The following DIO2 variants were observed in gnomAD, a reference collection of about 807,000 sequenced individuals.
DIO2 encodes type II iodothyronine deiodinase.
A neutral mutation model predicts 21.4 loss-of-function variants in DIO2; 19 were observed. The observed-to-expected ratio is 0.89, with a 90% confidence interval of 0.62 to 1.30. The LOEUF (loss-of-function observed/expected upper bound fraction) is 1.30. Ranked by LOEUF, DIO2 falls within the 50% of genes most tolerant of loss-of-function variation. The pLI is 0.00. For missense variants in DIO2, 302 were observed against 338.1 expected (o/e 0.89, Z 0.84); for synonymous variants, 122 against 132.9 (o/e 0.92, Z 0.57).
At chr14:80,220,370 TG>T (rs1888442718) in intron 2 of DIO2, among the ~76,000 whole-genome samples, 1 of 152,222 alleles carries the variant, frequency 6.6e-6, no homozygotes, top group Non-Finnish European at 1.5e-5. Context: ...TTACAGAGCA[TG>T]GGAACTAGGA....
In DIO2 at chr14:80,199,772, C is replaced by T. The variant is rs1887640035; in HGVS notation, c.*2917G>A. The T allele has an allele frequency of 6.6e-6, 1 of 152,518 alleles. No individual in the cohort carries two copies. The highest frequency in any genetic ancestry group is 1.5e-5 in the Non-Finnish European group (1 of 68,000). The allele number at this position is 152,518 out of a possible 1,614,324, so 9.4% of individuals were successfully genotyped here. ...GAAGCTTAAAAGGCTAAACCGATAGCTCCATGTAAACACAGCCTATGGGAG... is the reference window on the plus strand; with the variant it reads ...GAAGCTTAAAAGGCTAAACCGATAGTTCCATGTAAACACAGCCTATGGGAG... On this transcript the variant is annotated 3_prime_UTR_variant, in exon 2 of 2. Transcript: ENST00000438257.
Position 80,202,376 on chromosome 14 carries a change from A to G in DIO2, c.*313T>C, listed in dbSNP as rs1370330393. On this transcript the variant is annotated 3_prime_UTR_variant, in exon 2 of 2. Coordinates refer to ENST00000438257, the MANE Select transcript of DIO2 (RefSeq NM_013989.5). ...AAGTCTTTTCTTCTGGTCTCAAAGC[A>G]TGCATCAGATGTATCAGTTCCTTCT... is the stretch of plus-strand genomic sequence containing the variant. 1.7e-6 allele frequency: 1 copy of G among 600,144 alleles called. No individual in the cohort carries two copies. Among genetic ancestry groups the G allele is most frequent in the African/African-American group, 1.8e-5 (1 of 55,100 alleles). 37.2% of individuals were successfully genotyped at this position (600,144 alleles called of 1,614,324 possible). A position where few individuals can be genotyped will look rare whatever the true frequency, so the allele number is the denominator to read the frequency against.
chr14:80,203,949 G>C (rs1887849844), intron 1 of DIO2, among the ~76,000 whole-genome samples: 1 of 152,118 alleles, frequency 6.6e-6, no homozygotes, highest in Non-Finnish European at 1.5e-5. Context: ...TCCACATATG[G>C]CAACTGGAGG....
rs1887719158 is a variant in DIO2, at chr14:80,201,446, A to G, written c.*1243T>C. The G allele has an allele frequency of 6.6e-6, 1 of 152,204 alleles. No individual in the cohort carries two copies. Among genetic ancestry groups the G allele is most frequent in the African/African-American group, 2.4e-5 (1 of 41,448 alleles). The allele number at this position is 152,204 out of a possible 1,614,324, so 9.4% of individuals were successfully genotyped here. ...GAAATCAAGGCTGTGCTGAATGGCC[A>G]TGGTACCTACCTCCCGCAGCAGCTG... is the stretch of plus-strand genomic sequence containing the variant. On this transcript the variant is annotated 3_prime_UTR_variant, in exon 2 of 2. Coordinates refer to ENST00000438257, the MANE Select transcript of DIO2 (RefSeq NM_013989.5).
chr14:80,218,495 A>G (rs752706208), intron 2 of DIO2, among the ~76,000 whole-genome samples: 9 of 152,320 alleles, frequency 5.9e-5, no homozygotes, highest in Non-Finnish European at 1.0e-4. Flanking sequence ...ACCACATAAC[A>G]TTCCCTTTAT....
intron 1 of DIO2, chr14:80,206,232 A>G: frequency 1.3e-6 from 2 of 1,525,394 alleles, no homozygotes; most frequent in Non-Finnish European, 1.8e-6. Context: ...CACACCCACC[A>G]TCCATAAATC....
intron 2 of DIO2, among the ~76,000 whole-genome samples, chr14:80,229,848 G>C (rs1888650203): frequency 6.6e-6 from 1 of 152,070 alleles, no homozygotes; most frequent in Admixed American, 6.6e-5. Context: ...TCCCATGCCT[G>C]TTCTCCAGAT....
At chr14:80,216,475 A>G (rs371569399), upstream of DIO2, among the ~76,000 whole-genome samples, 7 of 152,172 alleles carry the variant, frequency 4.6e-5, no homozygotes, top group South Asian at 8.3e-4. Flanking sequence ...CCCTCTCCCC[A>G]CTGCCCAAAC....
Position 80,203,058 on chromosome 14 carries a change from G to A in DIO2, c.453C>T (p.Ser151=), listed in dbSNP as rs757370182. ...AGACCAGCAGGAAGTCAGCCACTGA[G>A]GAGAACTCTTCCACCAGTTTGCGGA... The part of the protein sequence containing the change: ...PAFRKLVEEF[S]SVADFLLVYI... Residue 151 remains serine, a synonymous_variant, in exon 2 of 2, where the codon TCC becomes TCT. Transcript: ENST00000438257. 1 of 1,613,972 alleles carries A rather than the reference G, an allele frequency of 6.2e-7. No homozygotes were observed. The highest frequency in any genetic ancestry group is 1.7e-5 in the Admixed American group (1 of 60,028).
chr14:80,202,805 G>C lies in DIO2; in HGVS notation c.706C>G (p.Gln236Glu). 1 of 1,613,868 alleles carries C rather than the reference G, an allele frequency of 6.2e-7. No individual in the cohort carries two copies. ...TTTCCTCCCAGATAAGCAATTTTCTGTCTCTGCACAATGCACACACGTTCA... is the reference window on the plus strand; with the variant it reads ...TTTCCTCCCAGATAAGCAATTTTCTCTCTCTGCACAATGCACACACGTTCA... Reference protein sequence around the residue: ...AFERVCIVQRQKIAYLGGKGP... With the variant: ...AFERVCIVQREKIAYLGGKGP... The change falls in exon 2 of 2, where the codon CAG becomes GAG. Residue 236 changes from glutamine to glutamate, a missense_variant. Coordinates refer to ENST00000438257, the MANE Select transcript of DIO2 (RefSeq NM_013989.5).
At chr14:80,225,558 T>C (rs1888558829) in intron 2 of DIO2, among the ~76,000 whole-genome samples, 1 of 152,220 alleles carries the variant, frequency 6.6e-6, no homozygotes, top group South Asian at 2.1e-4. Context: ...ACATTTACAA[T>C]CCTCGTTTCT....
intron 2 of DIO2, among the ~76,000 whole-genome samples, chr14:80,224,623 C>T (rs911088772): frequency 5.9e-5 from 9 of 151,994 alleles, no homozygotes; most frequent in African/African-American, 2.2e-4. Flanking sequence ...GCCTCCAAAA[C>T]TGTGATTGAA....
chr14:80,223,053 G>A (rs1888497727), intron 2 of DIO2, among the ~76,000 whole-genome samples: 1 of 151,722 alleles, frequency 6.6e-6, no homozygotes, highest in African/African-American at 2.4e-5. Flanking sequence ...GTAGAGATGG[G>A]GTCTTGCTGG....
Position 80,217,417 on chromosome 14 carries a change from A to T in DIO2, c.-277-680T>A, listed in dbSNP as rs76880204. Among the ~76,000 whole-genome samples, 9 of 152,322 alleles carry T rather than the reference A, an allele frequency of 5.9e-5. 1 individual carries two copies. The East Asian group carries it at 1.7e-3, about 29-fold the overall frequency. ...CCACTGGTGGAACACAATAATTTAT[A>T]AATTATTGTTCTGTTTCCATTTCAA... is the stretch of plus-strand genomic sequence containing the variant. On this transcript the variant is annotated intron_variant, in intron 2 of 4. Coordinates refer to the DIO2 transcript ENST00000553594.
chr14:80,229,781 A>G (rs139395860), intron 2 of DIO2, among the ~76,000 whole-genome samples: 104 of 152,332 alleles, frequency 6.8e-4, no homozygotes, highest in African/African-American at 1.7e-3. Context: ...AGATCAATAA[A>G]TTGAGCCTGA....
At chr14:80,225,295 CAT>C (rs1192496726) in intron 2 of DIO2, among the ~76,000 whole-genome samples, 4 of 152,180 alleles carry the variant, frequency 2.6e-5, no homozygotes, top group African/African-American at 7.2e-5. Flanking sequence ...TGAGATCACA[CAT>C]AGTCTTCAAA....
At chr14:80,218,004 A>G (rs1888390890) in intron 2 of DIO2, among the ~76,000 whole-genome samples, 1 of 152,200 alleles carries the variant, frequency 6.6e-6, no homozygotes, top group Non-Finnish European at 1.5e-5. Flanking sequence ...TTATTTTTCT[A>G]CCTGCAAAAT....
chr14:80,202,490 T>C lies in DIO2; in HGVS notation c.*199A>G. ...TAGGGCTTTTTACTAAGAAGAGAGGTGATATGGTTACTTACTCAGCCCAAT... is the reference window on the plus strand; with the variant it reads ...TAGGGCTTTTTACTAAGAAGAGAGGCGATATGGTTACTTACTCAGCCCAAT... On this transcript the variant is annotated 3_prime_UTR_variant, in exon 2 of 2. Coordinates refer to ENST00000438257, the MANE Select transcript of DIO2 (RefSeq NM_013989.5). The C allele has an allele frequency of 2.7e-6, 2 of 735,944 alleles. No individual in the cohort carries two copies. Among genetic ancestry groups the C allele is most frequent in the Admixed American group, 3.8e-5 (2 of 52,114 alleles). The allele number at this position is 735,944 out of a possible 1,614,324, so 45.6% of individuals were successfully genotyped here.
At chr14:80,225,269 A>T (rs553367182) in intron 2 of DIO2, among the ~76,000 whole-genome samples, 29 of 152,236 alleles carry the variant, frequency 1.9e-4, no homozygotes, top group African/African-American at 6.7e-4. Flanking sequence ...GCCAACTTGA[A>T]CCCATATACA....
Sources: gnomAD v4.1 joint callset for allele counts (sites outside exome capture counted in the v4.1 genomes callset) on GRCh38, gnomAD v4.1.1 for gene constraint, MANE v1.5 for transcripts, NCBI Gene and HGNC (gene_info 2026-07-23, HGNC 2026-07-21) for gene names.